Variants in PCDH10 observed in about 807,000 individuals in gnomAD.
PCDH10 encodes protocadherin-10.
Under a neutral mutation model 74.4 loss-of-function variants are expected in PCDH10, and 15 were observed. The observed-to-expected ratio is 0.20, with a 90% CI of 0.13 to 0.31. The LOEUF (loss-of-function observed/expected upper bound fraction) is 0.31. Among genes scored for constraint, PCDH10 ranks in the 10% least tolerant of loss-of-function variants. PCDH10 has a pLI of 1.00. For missense variants in PCDH10, 1,260 were observed against 1,390.2 expected, an observed-to-expected ratio of 0.91 and a Z score of 1.49; for synonymous variants, 619 against 589.8, an observed-to-expected ratio of 1.05 and a Z score of -0.72.
At position 133,150,978 on chromosome 4, in the gene PCDH10, G is replaced by A. The variant is rs1726665512; in HGVS notation, c.838G>A (p.Gly280Ser). The change falls in exon 1 of 5, where the codon GGC (glycine) becomes AGC (serine). Residue 280 changes from glycine (G) to serine (S), a missense_variant. Gly to Ser is a moderately conservative substitution (Grantham distance 56). Transcript: ENST00000264360. The part of the protein sequence containing the change: ...IQLNATDPDE[G>S]QNGEVVYSFS... ...GCTCAACGCCACCGACCCGGACGAG[G>A]GCCAGAACGGTGAGGTCGTGTACTC... The A allele has an allele frequency of 1.2e-6, 2 of 1,613,860 alleles. No individual in the cohort carries two copies. Among genetic ancestry groups the A allele is most frequent in the Non-Finnish European group, 1.7e-6 (2 of 1,180,050 alleles).
downstream of PCDH10, among the ~76,000 whole-genome samples, chr4:133,195,546 A>T (rs1727779115): frequency 6.6e-6 from 1 of 152,240 alleles, no homozygotes; most frequent in Admixed American, 6.6e-5. Flanking sequence ...TGGTAAAATT[A>T]AATTGTATTA....
chr4:133,167,286 A>G (rs1375252415), intron 4 of PCDH10, among the ~76,000 whole-genome samples: 1 of 151,550 alleles, frequency 6.6e-6, no homozygotes, highest in Non-Finnish European at 1.5e-5. Flanking sequence ...ATTGTAGAAC[A>G]TGTTTTGTTT....
Position 133,180,204 on chromosome 4 carries a change from G to A in PCDH10, c.3104-9937G>A, listed in dbSNP as rs530535804. On this transcript the variant is annotated intron_variant, in intron 4 of 4. Coordinates refer to ENST00000264360, the MANE Select transcript of PCDH10 (RefSeq NM_032961.3). ...TATTTTCTTTTCAGTTGTCTGCCAC[G>A]TATCATTGGAAAACGTATACGTAAA... Among the ~76,000 whole-genome samples the A allele has an allele frequency of 1.1e-4, 16 of 151,930 alleles. No individual in the cohort carries two copies. In the East Asian group the frequency reaches 1.9e-3, roughly 18 times the overall value.
At chr4:133,155,198 A>C (rs917702348) in intron 3 of PCDH10, among the ~76,000 whole-genome samples, 175 bp downstream of exon 3, 6 of 152,220 alleles carry the variant, frequency 3.9e-5, no homozygotes, top group African/African-American at 1.4e-4. Context: ...AATTGTAAAA[A>C]TGCAATGTTC....
intron 2 of PCDH10, among the ~76,000 whole-genome samples, chr4:133,205,636 G>A (rs970091781): frequency 3.3e-5 from 5 of 151,608 alleles, no homozygotes; most frequent in East Asian, 1.9e-4. Flanking sequence ...TGGCTCCTTC[G>A]TTATTTGGAT....
chr4:133,202,722 T>G (rs945361210), intron 2 of PCDH10, among the ~76,000 whole-genome samples: 2 of 152,180 alleles, frequency 1.3e-5, no homozygotes, highest in African/African-American at 4.8e-5. Context: ...TGGCCAGTTA[T>G]GCTGACCTTT....
At chr4:133,196,095 A>G (rs945687724), downstream of PCDH10, among the ~76,000 whole-genome samples, 6 of 152,172 alleles carry the variant, frequency 3.9e-5, no homozygotes, top group African/African-American at 1.4e-4. Flanking sequence ...GCATAGCACA[A>G]TTCTAACACA....
chr4:133,207,666 A>C (rs1270273508), intron 2 of PCDH10, among the ~76,000 whole-genome samples: 1 of 152,202 alleles, frequency 6.6e-6, no homozygotes, highest in Non-Finnish European at 1.5e-5. Context: ...CAAGTTATGA[A>C]ACTTTCTAAA....
rs1157037096 is a variant in PCDH10 at position 133,152,188 on chromosome 4, T to A, written c.2048T>A (p.Val683Glu). Reference protein sequence around the residue: ...TLVVQLVDGAVEPQGGGGSGG... With the variant: ...TLVVQLVDGAEEPQGGGGSGG... Reference sequence around the variant, plus strand: ...GTGGTTCAGCTGGTGGATGGCGCCGTGGAGCCCCAGGGCGGGGGCGGGAGC... The same window carrying A: ...GTGGTTCAGCTGGTGGATGGCGCCGAGGAGCCCCAGGGCGGGGGCGGGAGC... Residue 683 changes from valine (V) to glutamate (E), a missense_variant, in exon 1 of 5, where the codon GTG (valine) becomes GAG (glutamate). Around this residue, in one of 11 missense-constraint regions of PCDH10, gnomAD observed 587 missense variants for 616.9 expected, o/e 0.95. Transcript: ENST00000264360. The A allele has an allele frequency of 6.3e-7, 1 of 1,575,432 alleles. No homozygotes were observed. Among genetic ancestry groups the A allele is most frequent in the Admixed American group, 1.8e-5 (1 of 56,144 alleles).
At position 133,151,963 on chromosome 4, in the gene PCDH10, C is replaced by T. The variant is rs1232072107; in HGVS notation, c.1823C>T (p.Ala608Val). 4.3e-6 allele frequency: 7 copies of T among 1,612,412 alleles called. No individual in the cohort carries two copies. Among genetic ancestry groups the T allele is most frequent in the East Asian group, 2.2e-5 (1 of 44,874 alleles). The change falls in exon 1 of 5, where the codon GCG (alanine) becomes GTG (valine). Residue 608 changes from alanine (A) to valine (V), a missense_variant. This residue lies in a region of PCDH10 where 587 missense variants were observed against 616.9 expected (regional missense o/e 0.95). Coordinates refer to ENST00000264360, the MANE Select transcript of PCDH10 (RefSeq NM_032961.3). ...YLLTRVAAVD[A>V]DDGENARLTY... ...CTCACCCGCGTGGCCGCCGTGGACG[C>T]GGACGACGGCGAGAACGCCCGGCTC...
chr4:133,186,234 C>T (rs970013439), intron 4 of PCDH10, among the ~76,000 whole-genome samples: 5 of 151,994 alleles, frequency 3.3e-5, no homozygotes, highest in African/African-American at 7.2e-5. Flanking sequence ...ACATTTTCAC[C>T]TGTGGTTTAG....
Position 133,152,193 on chromosome 4 carries a change from C to T in PCDH10, c.2053C>T (p.Pro685Ser), listed in dbSNP as rs768213295. ...VVQLVDGAVEPQGGGGSGGGG... is the reference protein window; with the variant it reads ...VVQLVDGAVESQGGGGSGGGG... ...TCAGCTGGTGGATGGCGCCGTGGAGCCCCAGGGCGGGGGCGGGAGCGGAGG... is the reference window on the plus strand; with the variant it reads ...TCAGCTGGTGGATGGCGCCGTGGAGTCCCAGGGCGGGGGCGGGAGCGGAGG... The change falls in exon 1 of 5, where the codon CCC (proline) becomes TCC (serine). Residue 685 changes from proline (P) to serine (S), a missense_variant. Coordinates refer to ENST00000264360, the MANE Select transcript of PCDH10 (RefSeq NM_032961.3). 1.9e-6 allele frequency: 3 copies of T among 1,578,498 alleles called. No individual in the cohort carries two copies. Among genetic ancestry groups the T allele is most frequent in the Non-Finnish European group, 1.7e-6 (2 of 1,162,946 alleles).
chr4:133,195,443 GTTGCC>G (rs33971723), downstream of PCDH10, among the ~76,000 whole-genome samples: 6,862 of 152,036 alleles, frequency 0.045, 466 homozygotes, highest in African/African-American at 0.15. Flanking sequence ...ATGATTACAA[GTTGCC>G]TTGCTTCCCC....
intron 4 of PCDH10, among the ~76,000 whole-genome samples, chr4:133,177,146 G>A (rs1420927505): frequency 6.6e-6 from 1 of 151,974 alleles, no homozygotes. Context: ...AATGATCAAA[G>A]TAAATGAAAG....
rs191316048 is a variant in PCDH10, at chr4:133,185,923, T to C, written c.3104-4218T>C. ...ATTTTAATGTATAAAATAAAATAAT[T>C]TTTACCAGGCAATTACATGCAATGA... On this transcript the variant is annotated intron_variant, in intron 4 of 4. Coordinates refer to ENST00000264360, the MANE Select transcript of PCDH10 (RefSeq NM_032961.3). Among the ~76,000 whole-genome samples the C allele has an allele frequency of 4.1e-3, 617 of 152,244 alleles. 2 individuals are homozygous for C. Among genetic ancestry groups the C allele is most frequent in the African/African-American group, 0.014 (577 of 41,548 alleles).
downstream of PCDH10, among the ~76,000 whole-genome samples, chr4:133,197,013 A>G (rs1042470950): frequency 6.6e-6 from 1 of 152,142 alleles, no homozygotes; most frequent in African/African-American, 2.4e-5. Context: ...CTCAAGATGA[A>G]AGTAGACTTG....
chr4:133,200,322 C>T (rs2125877344), intron 2 of PCDH10, among the ~76,000 whole-genome samples: 1 of 151,566 alleles, frequency 6.6e-6, no homozygotes, highest in Non-Finnish European at 1.5e-5. Context: ...TTAGGCTTGA[C>T]CCATGTAAAA....
rs146517460 is a variant in PCDH10, at chr4:133,150,209, G to A, written c.69G>A (p.Thr23=). ...VEGVFSQLHY[T]VQEEQEHGTF... ...GAGTCTTTTCCCAGCTTCACTACAC[G>A]GTACAGGAGGAGCAGGAACATGGCA... Residue 23 remains threonine (T), a synonymous_variant, in exon 1 of 5, where the codon ACG becomes ACA. Coordinates refer to ENST00000264360, the MANE Select transcript of PCDH10 (RefSeq NM_032961.3). 7 of 1,611,876 alleles carry A rather than the reference G, an allele frequency of 4.3e-6. No individual in the cohort carries two copies. The highest frequency in any genetic ancestry group is 5.9e-6 in the Non-Finnish European group (7 of 1,179,060).
At chr4:133,202,633 T>C (rs1235100490) in intron 2 of PCDH10, among the ~76,000 whole-genome samples, 3 of 152,092 alleles carry the variant, frequency 2.0e-5, no homozygotes, top group Non-Finnish European at 4.4e-5. Flanking sequence ...TTAGACAACA[T>C]ATTGAGAGTT....
Sources: gnomAD v4.1 joint callset for allele counts (sites outside exome capture counted in the v4.1 genomes callset) on GRCh38, gnomAD v4.1.1 for gene constraint, gnomAD v4.1.1 regional missense constraint, MANE v1.5 for transcripts, NCBI Gene and HGNC (gene_info 2026-07-23, HGNC 2026-07-21) for gene names.